FREM1: variants seen among roughly 807,000 people sequenced by gnomAD.
FREM1 encodes FRAS1-related extracellular matrix protein 1.
FREM1 carries 220 observed loss-of-function variants against 210.1 expected under a neutral mutation model. The ratio of observed to expected loss-of-function variants is 1.05; its 90% CI spans 0.94 to 1.17. The LOEUF is 1.17. Ranked by LOEUF, FREM1 falls within the 50% of genes most tolerant of loss-of-function variation. The pLI is 0.00. For missense variants in FREM1, 3,454 were observed against 2,675.5 expected (o/e 1.29, Z -6.42); for synonymous variants, 1,189 against 980.2 (o/e 1.21, Z -3.98).
intron 25 of FREM1, among the ~76,000 whole-genome samples, chr9:14,774,486 C>A (rs556974583): frequency 1.4e-5 from 2 of 146,662 alleles, no homozygotes; most frequent in African/African-American, 5.0e-5. Flanking sequence ...ATTGCATGAG[C>A]CAATGAGCCA....
intron 10 of FREM1, among the ~76,000 whole-genome samples, chr9:14,828,639 G>A (rs932051706): frequency 9.5e-6 from 1 of 104,774 alleles, no homozygotes; most frequent in South Asian, 3.4e-4. Flanking sequence ...AAATTGTGGC[G>A]GGGCGGGGGA....
chr9:14,891,242 A>C (rs998272449), intron 1 of FREM1, among the ~76,000 whole-genome samples: 4 of 152,252 alleles, frequency 2.6e-5, no homozygotes, highest in Admixed American at 6.5e-5. Flanking sequence ...AATTTTCAGA[A>C]TGTATCTTGG....
intron 19 of FREM1, among the ~76,000 whole-genome samples, chr9:14,802,118 C>T (rs945986356): frequency 2.0e-5 from 3 of 152,066 alleles, no homozygotes; most frequent in African/African-American, 4.8e-5. Flanking sequence ...CCATGAAGGA[C>T]AAAGGACATA....
At chr9:14,901,352 C>G (rs1449554277) in intron 1 of FREM1, among the ~76,000 whole-genome samples, 1 of 152,110 alleles carries the variant, frequency 6.6e-6, no homozygotes, top group African/African-American at 2.4e-5. Flanking sequence ...CTCTGTGTTC[C>G]TAATGTGTCA....
At chr9:14,841,877 A>C (rs1212191821) in intron 9 of FREM1, among the ~76,000 whole-genome samples, 1 of 152,236 alleles carries the variant, frequency 6.6e-6, no homozygotes, top group Non-Finnish European at 1.5e-5. Flanking sequence ...AGTAACACTA[A>C]CTACTTACTT....
In FREM1 at chr9:14,855,818, C is replaced by T. The variant is rs934941843; in HGVS notation, c.828+1735G>A. ...ATTTTAAAATATAAACAAATAAAGG[C>T]GTATTCAATATAGTAAGAAAAAAAT... On this transcript the variant is annotated intron_variant, in intron 5 of 36. Transcript: ENST00000380880. 4.0e-5 allele frequency among the ~76,000 whole-genome samples: 6 copies of T among 150,520 alleles called. No homozygotes were observed. The South Asian group carries it at 6.3e-4, about 16-fold the overall frequency.
chr9:14,839,762 T>G (rs1198479238), intron 10 of FREM1, among the ~76,000 whole-genome samples: 1 of 152,186 alleles, frequency 6.6e-6, no homozygotes, highest in East Asian at 1.9e-4. Flanking sequence ...GAATTTTTCA[T>G]TTTTAAAAAG....
intron 10 of FREM1, among the ~76,000 whole-genome samples, chr9:14,825,753 C>A (rs991173203): frequency 2.6e-5 from 4 of 151,744 alleles, no homozygotes; most frequent in African/African-American, 9.7e-5. Context: ...TCCTTCTCCA[C>A]CCACATATAA....
chr9:14,781,745 C>T (rs1179738795), intron 24 of FREM1, among the ~76,000 whole-genome samples: 1 of 152,130 alleles, frequency 6.6e-6, no homozygotes, highest in African/African-American at 2.4e-5. Flanking sequence ...CTCTTGTTGC[C>T]CAGGCTGGAG....
intron 10 of FREM1, among the ~76,000 whole-genome samples, chr9:14,833,339 C>T (rs184930720): frequency 7.6e-4 from 116 of 152,230 alleles, no homozygotes; most frequent in African/African-American, 2.5e-3. Context: ...TCTTGGGAAG[C>T]GGCTGTTATC....
At chr9:14,872,407 G>T (rs1224693398) in intron 1 of FREM1, among the ~76,000 whole-genome samples, 1 of 152,162 alleles carries the variant, frequency 6.6e-6, no homozygotes, top group East Asian at 1.9e-4. Context: ...TGGATGCCTA[G>T]GCATTTTATC....
In FREM1 at chr9:14,874,320, C is replaced by T. The variant is rs560548843; in HGVS notation, c.-267-5076G>A. 1.9e-4 allele frequency among the ~76,000 whole-genome samples: 29 copies of T among 151,408 alleles called. No homozygotes were observed. In the East Asian group the frequency reaches 4.8e-3, roughly 25 times the overall value. On this transcript the variant is annotated intron_variant, in intron 1 of 36. Transcript: ENST00000380880. ...GGAGTCTAAGTCTCTTTGTAGGTCA[C>T]TCAGGACTTGCTTTATGAATCTGGG...
intron 22 of FREM1, among the ~76,000 whole-genome samples, chr9:14,791,562 A>G (rs1851323289): frequency 6.6e-6 from 1 of 152,148 alleles, no homozygotes; most frequent in Non-Finnish European, 1.5e-5. Flanking sequence ...ATCTGAACCT[A>G]AACAATAAGG....
chr9:14,789,750 A>T (rs1850989032), intron 22 of FREM1, among the ~76,000 whole-genome samples: 1 of 152,220 alleles, frequency 6.6e-6, no homozygotes, highest in Non-Finnish European at 1.5e-5. Flanking sequence ...GTAAGCCAAC[A>T]TTATTTAAGC....
Position 14,860,555 on chromosome 9 carries a change from A to ATGTG in FREM1, c.330-1072_330-1071insCACA, listed in dbSNP as rs1564098631. 6.1e-3 allele frequency among the ~76,000 whole-genome samples: 716 copies of ATGTG among 116,480 alleles called. 74 individuals are homozygous for ATGTG. Among genetic ancestry groups the ATGTG allele is most frequent in the African/African-American group, 0.027 (643 of 23,900 alleles). The allele number at this position is 116,480 out of a possible 152,430, so 76.4% of individuals were successfully genotyped here. On this transcript the variant is annotated intron_variant, in intron 3 of 36. Transcript: ENST00000380880. ...TATGTATATATATACACATATATATACACACATATATATACACATATATAT... is the reference window on the plus strand; with the variant it reads ...TATGTATATATATACACATATATATATGTGCACACATATATATACACATATATAT...
chr9:14,790,668 G>A (rs4237136), intron 22 of FREM1: 144,691 of 152,202 alleles, frequency 0.95, 69,215 homozygotes, highest in East Asian at 1. Flanking sequence ...ATTCAAGATG[G>A]CGAAAACTAA....
At chr9:14,755,967 G>T (rs1844268754) in intron 29 of FREM1, among the ~76,000 whole-genome samples, 1 of 152,094 alleles carries the variant, frequency 6.6e-6, no homozygotes, top group South Asian at 2.1e-4. Flanking sequence ...TTCCATGAGG[G>T]ATCATTTAGA....
At chr9:14,883,617 C>T (rs978575454) in intron 1 of FREM1, among the ~76,000 whole-genome samples, 2 of 152,142 alleles carry the variant, frequency 1.3e-5, no homozygotes. Context: ...CAAGATTTCA[C>T]AGTGATGATG....
chr9:14,863,995 G>A (rs937853204), intron 2 of FREM1, 92 bp from the exon 3 acceptor site: 1 of 769,494 alleles, frequency 1.3e-6, no homozygotes, highest in Non-Finnish European at 2.3e-6. Context: ...GAGAAAATAT[G>A]CTCTGTTAGT....
Sources: gnomAD v4.1 joint callset for allele counts (sites outside exome capture counted in the v4.1 genomes callset) on GRCh38, gnomAD v4.1.1 for gene constraint, MANE v1.5 for transcripts, NCBI Gene and HGNC (gene_info 2026-07-23, HGNC 2026-07-21) for gene names.